The following POLR2B variants were observed in gnomAD, a reference collection of about 807,000 sequenced individuals.
POLR2B encodes the protein DNA-directed RNA polymerase II subunit RPB2.
In POLR2B, 57 loss-of-function variants were observed where a neutral mutation model predicts 144.6. That is an observed-to-expected ratio of 0.39 (90% CI 0.32 to 0.49). The LOEUF (loss-of-function observed/expected upper bound fraction) is 0.49. Among genes scored for constraint, POLR2B ranks in the 20% least tolerant of loss-of-function variants. The pLI, the probability that POLR2B is intolerant of heterozygous loss-of-function variation, is 0.83. For missense variants in POLR2B, 595 were observed against 1,467.4 expected (o/e 0.41, Z 9.71); for synonymous variants, 442 against 469.8 (o/e 0.94, Z 0.77).
At chr4:57,008,493 T>C (rs1669155035) in intron 10 of POLR2B, among the ~76,000 whole-genome samples, 1 of 152,190 alleles carries the variant, frequency 6.6e-6, no homozygotes, top group Non-Finnish European at 1.5e-5. Flanking sequence ...TGAGCCACCG[T>C]GCCTGGCCCA....
chr4:57,025,593 C>T (rs1723690959), intron 23 of POLR2B, 56 bp downstream of exon 23: 1 of 1,207,980 alleles, frequency 8.3e-7, no homozygotes, highest in Non-Finnish European at 1.2e-6. Context: ...TGAAAAATGT[C>T]AACACACCAA....
chr4:57,009,561 A>G (rs1723125758), intron 10 of POLR2B: 1 of 152,150 alleles, frequency 6.6e-6, no homozygotes, highest in Non-Finnish European at 1.5e-5. Flanking sequence ...GTGAGGGGAA[A>G]TGGGCTGGTC....
In POLR2B at chr4:56,999,722, G is replaced by T; in HGVS notation, c.841G>T (p.Asp281Tyr). Residue 281 changes from aspartate (D) to tyrosine (Y), a missense_variant, in exon 7 of 25, where the codon GAC becomes TAC. Physicochemically the swap from Asp to Tyr is radical, Grantham distance 160. Coordinates refer to ENST00000314595, the MANE Select transcript of POLR2B (RefSeq NM_000938.3). ...GTTCAGAGCATTAGGTTTTGTGTCC[G>T]ACAGAGATATTTTAGAACATATTAT... is the stretch of plus-strand genomic sequence containing the variant. ...IVFRALGFVS[D>Y]RDILEHIIYD... The T allele has an allele frequency of 6.2e-7, 1 of 1,611,206 alleles. No homozygotes were observed. The highest frequency in any genetic ancestry group is 1.1e-5 in the South Asian group (1 of 90,974).
chr4:56,990,774 T>G lies in POLR2B; in HGVS notation c.119T>G (p.Val40Gly). 6.2e-7 allele frequency: 1 copy of G among 1,611,314 alleles called. No individual in the cohort carries two copies. The highest frequency in any genetic ancestry group is 8.5e-7 in the Non-Finnish European group (1 of 1,179,108). ...ISSYFDEKGL[V>G]RQQLDSFDEF... Reference sequence around the variant, plus strand: ...TCCTATTTTGACGAGAAAGGCTTGGTTAGACAACAGCTGGATTCTTTTGAT... The same window carrying G: ...TCCTATTTTGACGAGAAAGGCTTGGGTAGACAACAGCTGGATTCTTTTGAT... The change falls in exon 3 of 25, where the codon GTT becomes GGT. Residue 40 changes from valine to glycine, a missense_variant. Physicochemically the swap from Val to Gly is moderately radical, Grantham distance 109. This residue lies in a region of POLR2B where 251 missense variants were observed against 567.3 expected (regional missense o/e 0.44). Transcript: ENST00000314595.
intron 24 of POLR2B, 22 bp downstream of exon 24, chr4:57,030,421 A>T (rs749217903): frequency 5.8e-6 from 9 of 1,555,468 alleles, no homozygotes; most frequent in Middle Eastern, 1.7e-4. Flanking sequence ...CTTTACTGGC[A>T]GTTGATATTT....
chr4:57,029,655 A>G (rs1056254126), intron 23 of POLR2B, among the ~76,000 whole-genome samples: 2 of 152,196 alleles, frequency 1.3e-5, no homozygotes, highest in Non-Finnish European at 2.9e-5. Context: ...GCCAACATGT[A>G]TTTATGATTT....
chr4:57,016,241 T>C (rs894642428), intron 14 of POLR2B, among the ~76,000 whole-genome samples: 14 of 152,160 alleles, frequency 9.2e-5, no homozygotes, highest in African/African-American at 3.1e-4. Context: ...TAGGATTTTA[T>C]TTAAGCTTAA....
At chr4:57,002,020 A>G (rs3775083) in intron 7 of POLR2B, among the ~76,000 whole-genome samples, 11,624 of 152,152 alleles carry the variant, frequency 0.076, 506 homozygotes, top group African/African-American at 0.093. Flanking sequence ...AGATTTTGCC[A>G]GTAGTTACAT....
chr4:57,030,186 A>T lies in POLR2B; in HGVS notation c.3240-18A>T, dbSNP rs201239860. ...AATAAAAAATAAGTACAAAGTAATAATTTTTTTCTCTTAACAGTGATGGTG... is the reference window on the plus strand; with the variant it reads ...AATAAAAAATAAGTACAAAGTAATATTTTTTTTCTCTTAACAGTGATGGTG... On this transcript the variant is annotated intron_variant, in intron 23 of 24. Coordinates refer to ENST00000314595, the MANE Select transcript of POLR2B (RefSeq NM_000938.3). The T allele has an allele frequency of 1.3e-4, 202 of 1,600,676 alleles. No homozygotes were observed. The highest frequency in any genetic ancestry group is 5.0e-4 in the Middle Eastern group (3 of 6,036).
chr4:56,995,687 CAA>C (rs1432634536), intron 6 of POLR2B, among the ~76,000 whole-genome samples: 1 of 152,210 alleles, frequency 6.6e-6, no homozygotes, highest in African/African-American at 2.4e-5. Flanking sequence ...GCCGTAATCT[CAA>C]GAGTCATTCC....
chr4:56,994,930 G>T (rs1321433761), intron 5 of POLR2B, 64 bp downstream of exon 5: 285 of 729,132 alleles, frequency 3.9e-4, no homozygotes, highest in Non-Finnish European at 5.3e-4. Flanking sequence ...AAGTTGAAAT[G>T]AAAAAAAAAA....
intron 10 of POLR2B, 96 bp from the exon 11 acceptor site, chr4:57,010,265 C>G (rs991173036): frequency 9.3e-7 from 1 of 1,077,318 alleles, no homozygotes; most frequent in African/African-American, 1.6e-5. Flanking sequence ...CAGTTTGATA[C>G]TCAGTAGATT....
chr4:56,986,419 G>A lies in POLR2B; in HGVS notation c.85G>A (p.Val29Ile), dbSNP rs761639830. The A allele has an allele frequency of 1.2e-6, 2 of 1,607,780 alleles. No individual in the cohort carries two copies. Among genetic ancestry groups the A allele is most frequent in the Non-Finnish European group, 1.7e-6 (2 of 1,174,380 alleles). The change falls in exon 2 of 25, where the codon GTA becomes ATA. Residue 29 changes from valine to isoleucine, a missense_variant. By Grantham distance (29) the Val-to-Ile change is conservative. Transcript: ENST00000314595. ...PDLWQEACWI[V>I]ISSYFDEKGL... Reference sequence around the variant, plus strand: ...TTTGTGGCAAGAAGCATGCTGGATTGTAATCAGGTAACTTTGGACCAAACT... The same window carrying A: ...TTTGTGGCAAGAAGCATGCTGGATTATAATCAGGTAACTTTGGACCAAACT...
intron 3 of POLR2B, among the ~76,000 whole-genome samples, chr4:56,992,464 C>CACAAAAA (rs1491447416): frequency 5.8e-5 from 1 of 17,142 alleles, no homozygotes; most frequent in Non-Finnish European, 8.8e-5. Context: ...GACTCTGTCT[C>CACAAAAA]AAAAAAAAAA....
intron 16 of POLR2B, among the ~76,000 whole-genome samples, chr4:57,019,035 TTGTAA>T (rs984826993): frequency 6.6e-6 from 1 of 152,230 alleles, no homozygotes; most frequent in Non-Finnish European, 1.5e-5. Context: ...CTTTAGTGTA[TTGTAA>T]TGGGGCTCTA....
chr4:57,023,448 T>G lies in POLR2B; in HGVS notation c.2634T>G (p.Asp878Glu). ...CAGTCACCTTGCCTGAAAATGAAGA[T>G]GAATTGGAGAGCACCAATAGACGCT... Reference protein sequence around the residue: ...GKTVTLPENEDELESTNRRYT... With the variant: ...GKTVTLPENEEELESTNRRYT... The change falls in exon 19 of 25, where the codon GAT becomes GAG. Residue 878 changes from aspartate (D) to glutamate (E), a missense_variant. Asp to Glu is a conservative substitution (Grantham distance 45). Around this residue, in one of 9 missense-constraint regions of POLR2B, gnomAD observed 75 missense variants for 100.0 expected, o/e 0.75. Coordinates refer to ENST00000314595, the MANE Select transcript of POLR2B (RefSeq NM_000938.3). This position sits in a 1 kb window ranked among gnomAD's most constrained non-coding sequence, Gnocchi z 4.3. 1 of 1,614,098 alleles carries G rather than the reference T, an allele frequency of 6.2e-7. No individual in the cohort carries two copies. Among genetic ancestry groups the G allele is most frequent in the Non-Finnish European group, 8.5e-7 (1 of 1,180,000 alleles).
intron 6 of POLR2B, among the ~76,000 whole-genome samples, chr4:56,996,205 C>CGTGTGTGTGT (rs1325314185): frequency 7.6e-3 from 313 of 41,144 alleles, no homozygotes; most frequent in African/African-American, 0.024. Flanking sequence ...TATTTCAGTT[C>CGTGTGTGTGT]ATGTGTGTGT....
intron 10 of POLR2B, among the ~76,000 whole-genome samples, chr4:57,008,813 AAG>A (rs1329539194): frequency 1.3e-5 from 2 of 152,178 alleles, no homozygotes; most frequent in African/African-American, 4.8e-5. Flanking sequence ...AGCAGCTCAT[AAG>A]AGAGCTTAGA....
Position 57,023,484 on chromosome 4 carries a change from A to G in POLR2B, c.2670A>G (p.Arg890=), listed in dbSNP as rs1459188786. The change falls in exon 19 of 25, where the codon AGA becomes AGG. Residue 890 remains arginine, a synonymous_variant. Coordinates refer to ENST00000314595, the MANE Select transcript of POLR2B (RefSeq NM_000938.3). This position sits in a 1 kb window ranked among gnomAD's most constrained non-coding sequence, Gnocchi z 4.3. ...LESTNRRYTK[R]DCSTFLRTSE... ...GCACCAATAGACGCTATACCAAGAG[A>G]GACTGTAGCACTTTTCTCAGAACTA... is the stretch of plus-strand genomic sequence containing the variant. 2 of 1,613,876 alleles carry G rather than the reference A, an allele frequency of 1.2e-6. No individual in the cohort carries two copies. Among genetic ancestry groups the G allele is most frequent in the African/African-American group, 2.7e-5 (2 of 74,916 alleles).
Sources: allele counts gnomAD v4.1 joint callset (sites outside exome capture counted in the v4.1 genomes callset), GRCh38; gene constraint gnomAD v4.1.1; regional missense constraint gnomAD v4.1.1; non-coding constraint Gnocchi (gnomAD v3.1); transcripts MANE v1.5; gene names NCBI Gene and HGNC (gene_info 2026-07-23, HGNC 2026-07-21).